The following EHHADH variants were observed in gnomAD, a reference collection of about 807,000 sequenced individuals.
The protein encoded by EHHADH is peroxisomal bifunctional enzyme.
In EHHADH, 48 loss-of-function variants were observed where a neutral mutation model predicts 64.4. The ratio of observed to expected loss-of-function variants is 0.75; its 90% CI spans 0.59 to 0.95. The LOEUF is 0.95. Ranked by LOEUF, EHHADH falls within the 40% of genes least tolerant of loss-of-function variation. EHHADH has a pLI of 0.00. For missense variants in EHHADH, 854 were observed against 876.6 expected (o/e 0.97, Z 0.33); for synonymous variants, 308 against 326.7 (o/e 0.94, Z 0.62).
intron 6 of EHHADH, among the ~76,000 whole-genome samples, chr3:185,194,774 C>T (rs1435415541): frequency 2.9e-5 from 3 of 104,686 alleles, no homozygotes; most frequent in Non-Finnish European, 5.3e-5. Flanking sequence ...GCACTCCAGC[C>T]TATGTGACAG....
chr3:185,202,916 T>C (rs1478971980), intron 6 of EHHADH, among the ~76,000 whole-genome samples: 6 of 151,036 alleles, frequency 4.0e-5, no homozygotes, highest in Non-Finnish European at 7.4e-5. Flanking sequence ...ATGTTCTCAC[T>C]CATATGTGGG....
chr3:185,247,145 G>A (rs952158631), intron 2 of EHHADH, among the ~76,000 whole-genome samples: 1 of 152,066 alleles, frequency 6.6e-6, no homozygotes, highest in Non-Finnish European at 1.5e-5. Context: ...GTCAATTTTT[G>A]TAAATGTTCC....
In EHHADH at chr3:185,192,078, T is replaced by G; in HGVS notation, c.*148A>C. ...AAGCACATTCCTAAAGATTTGACCA[T>G]TAGAGTCGTTACACAGAAGATTCTA... On this transcript the variant is annotated 3_prime_UTR_variant, in exon 7 of 7. Coordinates refer to ENST00000231887, the MANE Select transcript of EHHADH (RefSeq NM_001966.4). 1 of 918,938 alleles carries G rather than the reference T, an allele frequency of 1.1e-6. No homozygotes were observed. Among genetic ancestry groups the G allele is most frequent in the Non-Finnish European group, 1.6e-6 (1 of 619,636 alleles). The allele number at this position is 918,938 out of a possible 1,614,324, so 56.9% of individuals were successfully genotyped here.
At chr3:185,199,898 C>A (rs1314341230) in intron 6 of EHHADH, among the ~76,000 whole-genome samples, 1 of 152,150 alleles carries the variant, frequency 6.6e-6, no homozygotes, top group Non-Finnish European at 1.5e-5. Flanking sequence ...GCATGTGCCA[C>A]CATGCCCGGC....
intron 4 of EHHADH, among the ~76,000 whole-genome samples, chr3:185,218,490 C>CA (rs1288811725): frequency 2.6e-5 from 4 of 152,088 alleles, no homozygotes. Context: ...ACCAGGACCA[C>CA]AATTTCCTCA....
intron 6 of EHHADH, among the ~76,000 whole-genome samples, chr3:185,194,902 G>C (rs756181583): frequency 4.1e-5 from 6 of 144,874 alleles, no homozygotes; most frequent in Non-Finnish European, 7.5e-5. Flanking sequence ...TAGCAGAATA[G>C]AACTGATAGC....
chr3:185,242,793 CT>C (rs1467055843), intron 2 of EHHADH, among the ~76,000 whole-genome samples: 1 of 152,200 alleles, frequency 6.6e-6, no homozygotes, highest in East Asian at 1.9e-4. Flanking sequence ...GGCTACCCAC[CT>C]CCCAGCTGCA....
chr3:185,228,814 A>AT (rs921123195), intron 4 of EHHADH, among the ~76,000 whole-genome samples: 2 of 151,162 alleles, frequency 1.3e-5, no homozygotes, highest in African/African-American at 2.4e-5. Flanking sequence ...TTATATTACA[A>AT]TTTTTTTTTA....
chr3:185,241,198 A>G (rs1478212539), intron 2 of EHHADH, among the ~76,000 whole-genome samples: 2 of 152,112 alleles, frequency 1.3e-5, no homozygotes, highest in East Asian at 1.9e-4. Flanking sequence ...TTGTTTATCC[A>G]CTCGTTGATT....
chr3:185,243,870 G>T (rs1017238652), intron 2 of EHHADH, among the ~76,000 whole-genome samples: 3 of 152,112 alleles, frequency 2.0e-5, no homozygotes, highest in Non-Finnish European at 4.4e-5. Flanking sequence ...AGGTCCATTT[G>T]GTCTAAAGTC....
rs1162413425 is a variant in EHHADH at position 185,203,086 on chromosome 3, A to G, written c.910+1330T>C. ...ACAAATCGTAAAGATGGTTAAAAAAAAAGAAAAAAGAAAGAAAAATCAGAA... is the reference window on the plus strand; with the variant it reads ...ACAAATCGTAAAGATGGTTAAAAAAGAAGAAAAAAGAAAGAAAAATCAGAA... On this transcript the variant is annotated intron_variant, in intron 6 of 6. Transcript: ENST00000231887. Among the ~76,000 whole-genome samples the G allele has an allele frequency of 9.2e-5, 14 of 152,272 alleles. 1 individual carries two copies. In the South Asian group the frequency reaches 2.9e-3, roughly 32 times the overall value.
chr3:185,246,956 A>C (rs1299844770), intron 2 of EHHADH, among the ~76,000 whole-genome samples: 1 of 151,968 alleles, frequency 6.6e-6, no homozygotes, highest in African/African-American at 2.4e-5. Context: ...TTCAGTTCCA[A>C]ATTTTTTCTA....
intron 1 of EHHADH, among the ~76,000 whole-genome samples, chr3:185,249,349 C>A (rs1397775721): frequency 6.6e-6 from 1 of 152,128 alleles, no homozygotes; most frequent in African/African-American, 2.4e-5. Flanking sequence ...AGGATGTTCT[C>A]GATCTCTTGA....
intron 5 of EHHADH, among the ~76,000 whole-genome samples, chr3:185,215,408 C>T (rs1176232436): frequency 6.6e-6 from 1 of 152,030 alleles, no homozygotes; most frequent in Non-Finnish European, 1.5e-5. Flanking sequence ...CCACAGAAGA[C>T]TATATACTAC....
chr3:185,253,996 G>C lies in EHHADH; in HGVS notation c.27C>G (p.Asn9Lys), dbSNP rs757441517. The C allele has an allele frequency of 6.8e-6, 11 of 1,613,864 alleles. No individual in the cohort carries two copies. The Admixed American group carries it at 1.5e-4, about 22-fold the overall frequency. Residue 9 changes from asparagine to lysine, a missense_variant, in exon 1 of 7, where the codon AAC becomes AAG. By Grantham distance (94) the Asn-to-Lys change is moderately conservative. Transcript: ENST00000231887. MAEYTRLHNALALIRLRNP... is the reference protein window; with the variant it reads MAEYTRLHKALALIRLRNP... ...TTCGGAGGCGGATTAGCGCCAAGGC[G>C]TTGTGCAGCCGCGTATACTCGGCCA...
In EHHADH at chr3:185,216,474, C is replaced by T. The variant is rs1315317406; in HGVS notation, c.568+1662G>A. Among the ~76,000 whole-genome samples the T allele has an allele frequency of 6.6e-6, 1 of 152,172 alleles. No homozygotes were observed. Among genetic ancestry groups the T allele is most frequent in the Non-Finnish European group, 1.5e-5 (1 of 68,036 alleles). On this transcript the variant is annotated intron_variant, in intron 5 of 6. Transcript: ENST00000231887. This position sits in a 1 kb window ranked among gnomAD's most constrained non-coding sequence, Gnocchi z 5.3. ...AAGTGACTTCTAACAAAACAATAAG[C>T]CCCCTCGGGAAGCACAATGATGAAA... is the stretch of plus-strand genomic sequence containing the variant.
chr3:185,205,616 A>T (rs904471189), intron 5 of EHHADH, among the ~76,000 whole-genome samples: 1 of 152,214 alleles, frequency 6.6e-6, no homozygotes, highest in Non-Finnish European at 1.5e-5. Flanking sequence ...TTATTTTAAA[A>T]CAAAGAATCG....
rs186736134 is a variant in EHHADH, at chr3:185,193,317, G to T, written c.1081C>A (p.Pro361Thr). The T allele has an allele frequency of 5.8e-5, 94 of 1,612,344 alleles. 1 individual carries two copies. The Admixed American group carries it at 1.6e-3, about 27-fold the overall frequency. The change falls in exon 7 of 7, where the codon CCA (proline) becomes ACA (threonine). Residue 361 changes from proline to threonine, a missense_variant. Pro to Thr is a conservative substitution (Grantham distance 38, BLOSUM62 -1). Coordinates refer to ENST00000231887, the MANE Select transcript of EHHADH (RefSeq NM_001966.4). The part of the protein sequence containing the change: ...MQQSGHPWSG[P>T]KPRLTSSVKE... ...ACAGATGAAGTTAACCTGGGTTTTGGTCCTGACCAAGGGTGGCCGCTCTGT... is the reference window on the plus strand; with the variant it reads ...ACAGATGAAGTTAACCTGGGTTTTGTTCCTGACCAAGGGTGGCCGCTCTGT...
chr3:185,245,411 G>T, intron 2 of EHHADH: 1 of 630,698 alleles, frequency 1.6e-6, no homozygotes, highest in Non-Finnish European at 2.6e-6. Context: ...TGGCAAACTG[G>T]TTTAGCCACA....
Sources: gnomAD v4.1 joint callset for allele counts (sites outside exome capture counted in the v4.1 genomes callset) on GRCh38, gnomAD v4.1.1 for gene constraint, Gnocchi (gnomAD v3.1) non-coding constraint, MANE v1.5 for transcripts, NCBI Gene and HGNC (gene_info 2026-07-23, HGNC 2026-07-21) for gene names.